ACSM3: variants seen among roughly 807,000 people sequenced by gnomAD.
The protein encoded by ACSM3 is acyl-CoA synthetase medium chain family member 3, also known as acyl-coenzyme A synthetase ACSM3, mitochondrial.
In ACSM3, 61 loss-of-function variants were observed where a neutral mutation model predicts 74.1. The observed-to-expected ratio is 0.82, with a 90% CI of 0.67 to 1.02. ACSM3 has a LOEUF of 1.02. ACSM3 is among the 50% of genes least tolerant of loss of function. The pLI, the probability that ACSM3 is intolerant of heterozygous loss-of-function variation, is 0.00. For synonymous variants in ACSM3, 213 were observed against 241.5 expected, an observed-to-expected ratio of 0.88 and a Z score of 1.09; for missense variants, 660 against 697.0, an observed-to-expected ratio of 0.95 and a Z score of 0.60.
intron 1 of ACSM3, among the ~76,000 whole-genome samples, chr16:20,675,152 G>C (rs1158511792): frequency 2.0e-5 from 3 of 150,776 alleles, no homozygotes; most frequent in African/African-American, 7.5e-5. Context: ...AAGAGTCCTG[G>C]GGTAGAAGTG....
At chr16:20,709,134 T>G (rs569007274) in intron 1 of ACSM3, among the ~76,000 whole-genome samples, 1 of 152,270 alleles carries the variant, frequency 6.6e-6, no homozygotes, top group South Asian at 2.1e-4. Context: ...TAAAAAATGG[T>G]GCTAGGAAAG....
chr16:20,691,911 C>T (rs1474362085), intron 1 of ACSM3, among the ~76,000 whole-genome samples: 1 of 151,976 alleles, frequency 6.6e-6, no homozygotes, highest in African/African-American at 2.4e-5. Flanking sequence ...AGCCCCCCTA[C>T]AGGCGAGAAT....
At chr16:20,742,177 C>T (rs199757359) in intron 1 of ACSM3, 14 of 659,556 alleles carry the variant, frequency 2.1e-5, no homozygotes, top group East Asian at 1.4e-4. Context: ...GGTCAAGTCC[C>T]GTAACAGGTT....
chr16:20,748,262 C>A (rs1470346888), intron 1 of ACSM3, among the ~76,000 whole-genome samples: 5 of 152,096 alleles, frequency 3.3e-5, no homozygotes, highest in African/African-American at 1.2e-4. Context: ...TACATGAATA[C>A]TCAGGTTGAA....
chr16:20,779,425 CAA>C (rs3050137), intron 4 of ACSM3, among the ~76,000 whole-genome samples: 133 of 131,920 alleles, frequency 1.0e-3, no homozygotes, highest in East Asian at 1.1e-3. Context: ...AACCCTGTCT[CAA>C]AAAAAAAAAA....
intron 1 of ACSM3, among the ~76,000 whole-genome samples, chr16:20,739,537 A>C (rs1170456078): frequency 1.3e-5 from 2 of 152,096 alleles, no homozygotes; most frequent in African/African-American, 4.8e-5. Context: ...AACGTGGAGC[A>C]AGGCCGGAAG....
intron 1 of ACSM3, among the ~76,000 whole-genome samples, chr16:20,706,565 T>A (rs1399224624): frequency 6.6e-6 from 1 of 152,158 alleles, no homozygotes; most frequent in Admixed American, 6.5e-5. Context: ...GAGAGTTGTT[T>A]TGAGAGGGTA....
chr16:20,781,621 G>C, intron 6 of ACSM3, 87 bp from the exon 7 acceptor site: 1 of 986,060 alleles, frequency 1.0e-6, no homozygotes, highest in Non-Finnish European at 1.6e-6. Context: ...CATAAACAAT[G>C]TTTAAATTGT....
chr16:20,724,331 C>T (rs1250624426), intron 1 of ACSM3, among the ~76,000 whole-genome samples: 1 of 152,084 alleles, frequency 6.6e-6, no homozygotes, highest in African/African-American at 2.4e-5. Flanking sequence ...AATTCAACAC[C>T]CTTCATGCTA....
chr16:20,791,960 A>G, intron 10 of ACSM3, 42 bp from the exon 11 acceptor site: 1 of 1,602,216 alleles, frequency 6.2e-7, no homozygotes, highest in Non-Finnish European at 8.5e-7. Flanking sequence ...TGACCAGAAG[A>G]GTTGGATTCA....
chr16:20,729,266 G>A, intron 1 of ACSM3: 1 of 1,244,772 alleles, frequency 8.0e-7, no homozygotes, highest in South Asian at 1.2e-5. Flanking sequence ...GGTAAGGGGA[G>A]ATTTTTATGT....
intron 2 of ACSM3, among the ~76,000 whole-genome samples, chr16:20,770,457 A>T (rs1596511416): frequency 1.3e-5 from 2 of 152,154 alleles, no homozygotes; most frequent in Admixed American, 1.3e-4. Flanking sequence ...GAATTATTTG[A>T]CCCGAAATGT....
chr16:20,793,964 C>A (rs1364331651), intron 12 of ACSM3, among the ~76,000 whole-genome samples: 1 of 152,134 alleles, frequency 6.6e-6, no homozygotes, highest in African/African-American at 2.4e-5. Context: ...GGGTTGTGGT[C>A]CCCTCACAGC....
intron 1 of ACSM3, among the ~76,000 whole-genome samples, chr16:20,740,216 G>A (rs543878901): frequency 3.9e-5 from 6 of 152,238 alleles, no homozygotes; most frequent in African/African-American, 1.4e-4. Context: ...AACATGGCCT[G>A]AGAACCCGTC....
chr16:20,757,893 C>G (rs2080044752), intron 3 of ACSM3, among the ~76,000 whole-genome samples: 1 of 152,086 alleles, frequency 6.6e-6, no homozygotes, highest in African/African-American at 2.4e-5. Flanking sequence ...TTGAGATAAT[C>G]ATGTGGTTTT....
At chr16:20,682,402 C>G in intron 1 of ACSM3, 2 of 1,614,030 alleles carry the variant, frequency 1.2e-6, no homozygotes, top group Non-Finnish European at 1.7e-6. Context: ...CTTTAGACAA[C>G]TGTAGTCGAT....
At chr16:20,719,986 ATTAAGT>A (rs1175142545) in intron 1 of ACSM3, among the ~76,000 whole-genome samples, 1 of 152,242 alleles carries the variant, frequency 6.6e-6, no homozygotes, top group African/African-American at 2.4e-5. Context: ...TGACAAATCA[ATTAAGT>A]TTAAGAAAAT....
intron 1 of ACSM3, among the ~76,000 whole-genome samples, chr16:20,695,729 A>C (rs1428057661): frequency 6.6e-6 from 1 of 151,942 alleles, no homozygotes; most frequent in East Asian, 1.9e-4. Context: ...CTGATCTCCA[A>C]GTGTTGAGGA....
intron 3 of ACSM3, among the ~76,000 whole-genome samples, chr16:20,758,707 TTTAA>T (rs1330332296): frequency 4.6e-5 from 7 of 151,602 alleles, no homozygotes; most frequent in African/African-American, 1.7e-4. Flanking sequence ...TTCTAGTTCT[TTTAA>T]TTGTGATGTT....
Sources: gnomAD v4.1 joint callset for allele counts (sites outside exome capture counted in the v4.1 genomes callset) on GRCh38, gnomAD v4.1.1 for gene constraint, MANE v1.5 for transcripts, NCBI Gene and HGNC (gene_info 2026-07-23, HGNC 2026-07-21) for gene names.